PPP3CA: variants seen among roughly 807,000 people sequenced by gnomAD.
The protein encoded by PPP3CA is CAM-PRP catalytic subunit.
In PPP3CA, 14 loss-of-function variants were observed where a neutral mutation model predicts 66.5. The observed-to-expected ratio is 0.21, with a 90% CI of 0.14 to 0.33. PPP3CA has a LOEUF of 0.33. PPP3CA is among the 10% of genes least tolerant of loss of function. PPP3CA has a pLI of 1.00. For synonymous variants in PPP3CA, 232 were observed against 226.2 expected (o/e 1.03, Z -0.23); for missense variants, 317 against 639.5 (o/e 0.50, Z 5.44).
In PPP3CA at chr4:101,304,185, A is replaced by G. The variant is rs186946756; in HGVS notation, c.58+42554T>C. Among the ~76,000 whole-genome samples, 340 of 152,260 alleles carry G rather than the reference A, an allele frequency of 2.2e-3. 4 individuals carry two copies. Among genetic ancestry groups the G allele is most frequent in the African/African-American group, 7.9e-3 (330 of 41,578 alleles). ...CCTCTTTCATCAGGATATTTCAGTA[A>G]TAGTCTCTTATGTTTTTTCCTAATA... On this transcript the variant is annotated intron_variant, in intron 1 of 13. Transcript: ENST00000394854.
At chr4:101,314,755 AT>A (rs201602468) in intron 1 of PPP3CA, among the ~76,000 whole-genome samples, 1 of 151,948 alleles carries the variant, frequency 6.6e-6, no homozygotes, top group Admixed American at 6.6e-5. Flanking sequence ...TATTTTTGAC[AT>A]TTTTTTCAAT....
rs146426089 is a variant in PPP3CA, at chr4:101,159,349, C to G, written c.259+36567G>C. ...TCCCTCTATCTCTTATCTCCTTACC[C>G]CATACCTGCCCACTGACCCACCTCC... On this transcript the variant is annotated intron_variant, in intron 2 of 13. Transcript: ENST00000394854. Among the ~76,000 whole-genome samples the G allele has an allele frequency of 5.5e-3, 830 of 152,264 alleles. 2 individuals are homozygous for G. The highest frequency in any genetic ancestry group is 8.9e-3 in the Non-Finnish European group (608 of 68,014).
intron 1 of PPP3CA, among the ~76,000 whole-genome samples, chr4:101,325,431 G>T (rs1729178808): frequency 6.6e-6 from 1 of 152,130 alleles, no homozygotes; most frequent in Non-Finnish European, 1.5e-5. Context: ...GAATGGAAAA[G>T]ATACCACAAG....
At chr4:101,333,103 C>CTTTT (rs66790132) in intron 1 of PPP3CA, among the ~76,000 whole-genome samples, 1 of 88,284 alleles carries the variant, frequency 1.1e-5, no homozygotes, top group Non-Finnish European at 2.2e-5. Context: ...CATCTTCTTT[C>CTTTT]TTTTTTTTTT....
intron 1 of PPP3CA, among the ~76,000 whole-genome samples, chr4:101,316,926 A>G (rs558782639): frequency 4.6e-4 from 70 of 152,352 alleles, no homozygotes; most frequent in Admixed American, 9.2e-4. Flanking sequence ...CTTCAAAAGC[A>G]CTAATGAAGA....
At chr4:101,343,976 T>C (rs889725757) in intron 1 of PPP3CA, among the ~76,000 whole-genome samples, 12 of 152,126 alleles carry the variant, frequency 7.9e-5, no homozygotes, top group Non-Finnish European at 1.6e-4. Flanking sequence ...TGGCATGCCA[T>C]GGTAATAACA....
intron 6 of PPP3CA, among the ~76,000 whole-genome samples, chr4:101,089,051 T>A (rs1434935601): frequency 1.3e-5 from 2 of 151,794 alleles, no homozygotes; most frequent in Non-Finnish European, 2.9e-5. Context: ...TAGGTTAAGG[T>A]GAAAATGGAA....
At chr4:101,114,130 A>C (rs915718537) in intron 2 of PPP3CA, among the ~76,000 whole-genome samples, 3 of 152,126 alleles carry the variant, frequency 2.0e-5, no homozygotes, top group Non-Finnish European at 4.4e-5. Context: ...ACATAGATGC[A>C]CAATACAAGT....
chr4:101,236,920 A>G lies in PPP3CA; in HGVS notation c.59-40804T>C, dbSNP rs539165637. ...GTTATATGAAGACTCTAGATTTAGT[A>G]TCTTCATCTGTAAAATGGCGATAAT... is the stretch of plus-strand genomic sequence containing the variant. On this transcript the variant is annotated intron_variant, in intron 1 of 13. Coordinates refer to ENST00000394854, the MANE Select transcript of PPP3CA (RefSeq NM_000944.5). Among the ~76,000 whole-genome samples, 5 of 151,616 alleles carry G rather than the reference A, an allele frequency of 3.3e-5. No individual in the cohort carries two copies. In the East Asian group the frequency reaches 9.8e-4, roughly 30 times the overall value.
intron 1 of PPP3CA, among the ~76,000 whole-genome samples, chr4:101,297,927 G>A (rs1370731963): frequency 1.3e-5 from 2 of 152,058 alleles, no homozygotes; most frequent in African/African-American, 4.8e-5. Flanking sequence ...GCTCTCCACT[G>A]TATCAGGAGT....
intron 6 of PPP3CA, 38 bp downstream of exon 6, chr4:101,093,738 T>C (rs1453583662): frequency 1.3e-6 from 2 of 1,543,038 alleles, no homozygotes; most frequent in Non-Finnish European, 1.8e-6. Flanking sequence ...AGCATTATGA[T>C]GCAAACGTGT....
intron 6 of PPP3CA, 124 bp downstream of exon 6, chr4:101,093,652 T>G: frequency 1.0e-6 from 1 of 965,902 alleles, no homozygotes; most frequent in Non-Finnish European, 1.4e-6. Context: ...TTATAAATGC[T>G]AGTGAGCCTT....
intron 1 of PPP3CA, among the ~76,000 whole-genome samples, chr4:101,321,425 C>T (rs1178326467): frequency 6.6e-6 from 1 of 152,192 alleles, no homozygotes; most frequent in Non-Finnish European, 1.5e-5. Flanking sequence ...TGCAATATTA[C>T]ATCACTAAAA....
At chr4:101,213,133 TA>T (rs560923319) in intron 1 of PPP3CA, among the ~76,000 whole-genome samples, 123 of 152,304 alleles carry the variant, frequency 8.1e-4, no homozygotes, top group Non-Finnish European at 1.4e-3. Context: ...ATACCATCAG[TA>T]AAACTAGCCA....
At chr4:101,045,507 CAAGGATCTTG>C (rs1727723773) in intron 10 of PPP3CA, among the ~76,000 whole-genome samples, 1 of 152,104 alleles carries the variant, frequency 6.6e-6, no homozygotes, top group African/African-American at 2.4e-5. Context: ...TGGTGACAGT[CAAGGATCTTG>C]AAGGATAAAT....
At chr4:101,071,844 G>C (rs911502986) in intron 8 of PPP3CA, among the ~76,000 whole-genome samples, 2 of 152,200 alleles carry the variant, frequency 1.3e-5, no homozygotes, top group African/African-American at 4.8e-5. Context: ...TTAGAGAGTA[G>C]TGATTTTTAA....
intron 11 of PPP3CA, among the ~76,000 whole-genome samples, chr4:101,040,262 G>A (rs1202474185): frequency 1.3e-5 from 2 of 152,126 alleles, no homozygotes; most frequent in Non-Finnish European, 2.9e-5. Context: ...GATGCAATTC[G>A]AGACTTTCTT....
chr4:101,155,200 A>C (rs1195580863), intron 2 of PPP3CA, among the ~76,000 whole-genome samples: 2 of 152,236 alleles, frequency 1.3e-5, no homozygotes, highest in Non-Finnish European at 2.9e-5. Flanking sequence ...CTCAAGGCAG[A>C]GGACAAAATC....
chr4:101,089,866 A>T (rs1434901537), intron 6 of PPP3CA, among the ~76,000 whole-genome samples: 2 of 152,238 alleles, frequency 1.3e-5, no homozygotes. Context: ...CCTATCTGAT[A>T]TAACTCAGGA....
Sources: gnomAD v4.1 joint callset for allele counts (sites outside exome capture counted in the v4.1 genomes callset) on GRCh38, gnomAD v4.1.1 for gene constraint, MANE v1.5 for transcripts, NCBI Gene and HGNC (gene_info 2026-07-23, HGNC 2026-07-21) for gene names.